The following FANK1 variants were observed in gnomAD, a reference collection of about 807,000 sequenced individuals.
The protein encoded by FANK1 is fibronectin type 3 and ankyrin repeat domains protein 1.
In FANK1, 44 loss-of-function variants were observed where a neutral mutation model predicts 45.3. The ratio of observed to expected loss-of-function variants is 0.97; its 90% CI spans 0.76 to 1.25. The LOEUF is 1.25. Ranked by LOEUF, FANK1 falls within the 50% of genes most tolerant of loss-of-function variation. The pLI is 0.00. For missense variants in FANK1, 391 were observed against 424.4 expected, an observed-to-expected ratio of 0.92 and a Z score of 0.69; for synonymous variants, 149 against 152.5, an observed-to-expected ratio of 0.98 and a Z score of 0.17.
chr10:125,919,254 G>A (rs1006279225), intron 1 of FANK1, among the ~76,000 whole-genome samples: 3 of 121,778 alleles, frequency 2.5e-5, no homozygotes, highest in African/African-American at 9.5e-5. Context: ...CCCGCAGGCT[G>A]GAGCGCAGTG....
At chr10:125,903,271 G>C (rs1443378122) in intron 1 of FANK1, among the ~76,000 whole-genome samples, 1 of 152,256 alleles carries the variant, frequency 6.6e-6, no homozygotes, top group African/African-American at 2.4e-5. Context: ...TGACCTGAAT[G>C]ACTCATTACA....
intron 1 of FANK1, among the ~76,000 whole-genome samples, chr10:125,931,826 T>G (rs1326610125): frequency 6.6e-6 from 1 of 152,202 alleles, no homozygotes; most frequent in Non-Finnish European, 1.5e-5. Context: ...CTTCTAGAAT[T>G]TTTACAGTTT....
intron 1 of FANK1, among the ~76,000 whole-genome samples, chr10:125,943,001 A>G (rs1948552691): frequency 1.3e-5 from 2 of 151,980 alleles, no homozygotes; most frequent in Non-Finnish European, 2.9e-5. Context: ...TTTAATAGAG[A>G]TGGGGTTTCA....
At chr10:125,897,604 T>C (rs1226065725) in intron 1 of FANK1, among the ~76,000 whole-genome samples, 1 of 152,384 alleles carries the variant, frequency 6.6e-6, no homozygotes, top group Admixed American at 6.5e-5. Context: ...TCATTCGTTT[T>C]CCACCAAGAA....
intron 1 of FANK1, among the ~76,000 whole-genome samples, chr10:125,941,297 A>G (rs890251739): frequency 6.6e-6 from 1 of 152,212 alleles, no homozygotes; most frequent in Non-Finnish European, 1.5e-5. Flanking sequence ...TTTGCAGAAG[A>G]AGCAATTTGG....
At chr10:126,000,040 A>G (rs574920501) in intron 6 of FANK1, among the ~76,000 whole-genome samples, 1 of 152,342 alleles carries the variant, frequency 6.6e-6, no homozygotes, top group Admixed American at 6.5e-5. Flanking sequence ...AATAAATATA[A>G]TGGGGAAATA....
chr10:125,936,034 A>G (rs935051703), intron 1 of FANK1, among the ~76,000 whole-genome samples: 2 of 152,200 alleles, frequency 1.3e-5, no homozygotes, highest in African/African-American at 4.8e-5. Flanking sequence ...ACTACAGGAA[A>G]AGCATGGTAC....
intron 1 of FANK1, among the ~76,000 whole-genome samples, chr10:125,935,419 C>T (rs993194776): frequency 2.0e-5 from 3 of 152,160 alleles, no homozygotes; most frequent in Non-Finnish European, 4.4e-5. Context: ...TTGTCTCTTA[C>T]TTCCTAGTTG....
At chr10:125,968,883 G>A (rs1950325718) in intron 1 of FANK1, among the ~76,000 whole-genome samples, 3 of 152,146 alleles carry the variant, frequency 2.0e-5, no homozygotes, top group Admixed American at 2.0e-4. Context: ...GCCATCTTCT[G>A]AGTAACCATA....
At position 125,995,313 on chromosome 10, in the gene FANK1, C is replaced by T. The variant is rs112629820; in HGVS notation, c.317-104C>T. ...GATATACTTAACAGGAATAGCCAAG[C>T]GCCTTCCTGAAGATGATCCCCTGAA... On this transcript the variant is annotated intron_variant, in intron 3 of 10. Transcript: ENST00000368693. 595 of 976,156 alleles carry T rather than the reference C, an allele frequency of 6.1e-4. 3 individuals carry two copies. In the African/African-American group the frequency reaches 8.1e-3, roughly 13 times the overall value. The allele number at this position is 976,156 out of a possible 1,614,324, so 60.5% of individuals were successfully genotyped here.
At chr10:125,976,431 C>A (rs1950857307) in intron 1 of FANK1, among the ~76,000 whole-genome samples, 2 of 152,222 alleles carry the variant, frequency 1.3e-5, no homozygotes. Context: ...CTTTCTCTCT[C>A]CCTTTCAGGG....
chr10:125,990,859 G>T (rs966298208), intron 3 of FANK1, among the ~76,000 whole-genome samples: 2 of 152,184 alleles, frequency 1.3e-5, no homozygotes, highest in Non-Finnish European at 2.9e-5. Context: ...GGCAAAGAAG[G>T]AGTAAAGGCA....
In FANK1 at chr10:125,959,791, A is replaced by T. The variant is rs142920795; in HGVS notation, c.14-20370A>T. Among the ~76,000 whole-genome samples, 1,102 of 152,342 alleles carry T rather than the reference A, an allele frequency of 7.2e-3. 24 individuals carry two copies. Among genetic ancestry groups the T allele is most frequent in the African/African-American group, 0.026 (1,068 of 41,572 alleles). ...CAGGAGCAACAGATAACAAATATTC[A>T]ATTTTTTAAATAAAATGTTTTCCTT... On this transcript the variant is annotated intron_variant, in intron 1 of 10. Coordinates refer to ENST00000368693, the MANE Select transcript of FANK1 (RefSeq NM_145235.5).
intron 1 of FANK1, among the ~76,000 whole-genome samples, chr10:125,915,192 C>T (rs563774174): frequency 1.1e-4 from 17 of 152,172 alleles, no homozygotes; most frequent in East Asian, 3.9e-4. Flanking sequence ...AGAAGCATGG[C>T]GTTAACTCAC....
chr10:125,988,180 C>CT (rs1187149593), intron 2 of FANK1, among the ~76,000 whole-genome samples: 1 of 152,228 alleles, frequency 6.6e-6, no homozygotes, highest in Non-Finnish European at 1.5e-5. Context: ...GCCCCCATCA[C>CT]TAGATGGCCC....
intron 1 of FANK1, among the ~76,000 whole-genome samples, chr10:125,940,949 G>C (rs1948417614): frequency 6.6e-6 from 1 of 152,176 alleles, no homozygotes; most frequent in Non-Finnish European, 1.5e-5. Context: ...CAAGGTTGGG[G>C]CTAAAGTTAC....
intron 3 of FANK1, among the ~76,000 whole-genome samples, chr10:125,991,653 A>G (rs893384364): frequency 6.6e-6 from 1 of 151,980 alleles, no homozygotes; most frequent in Non-Finnish European, 1.5e-5. Flanking sequence ...TTTTCCCCCC[A>G]GGTAAAGTAC....
At chr10:125,988,972 G>A (rs1951749051) in intron 3 of FANK1, among the ~76,000 whole-genome samples, 2 of 152,184 alleles carry the variant, frequency 1.3e-5, no homozygotes, top group Admixed American at 1.3e-4. Flanking sequence ...AGGGGTGTGG[G>A]CTGGGTAAGC....
chr10:125,989,057 TC>T (rs1951755510), intron 3 of FANK1, among the ~76,000 whole-genome samples: 1 of 152,104 alleles, frequency 6.6e-6, no homozygotes, highest in African/African-American at 2.4e-5. Flanking sequence ...CAGTGTCATA[TC>T]CATTTTAGAC....
Sources: allele counts gnomAD v4.1 joint callset (sites outside exome capture counted in the v4.1 genomes callset), GRCh38; gene constraint gnomAD v4.1.1; transcripts MANE v1.5; gene names NCBI Gene and HGNC (gene_info 2026-07-23, HGNC 2026-07-21).